Variants in FANK1 observed in about 807,000 individuals in gnomAD.
FANK1 encodes fibronectin type III and ankyrin repeat domains 1.
A neutral mutation model predicts 45.3 loss-of-function variants in FANK1; 44 were observed. The ratio of observed to expected loss-of-function variants is 0.97; its 90% CI spans 0.76 to 1.25. FANK1 has a LOEUF of 1.25. FANK1 is among the 50% of genes most tolerant of loss of function. FANK1 has a pLI of 0.00. For synonymous variants in FANK1, 149 were observed against 152.5 expected, an observed-to-expected ratio of 0.98 and a Z score of 0.17; for missense variants, 391 against 424.4, an observed-to-expected ratio of 0.92 and a Z score of 0.69.
intron 1 of FANK1, among the ~76,000 whole-genome samples, chr10:125,906,543 A>AAAAAAAAAAAAAAAG (rs1945540385): frequency 6.8e-6 from 1 of 147,678 alleles, no homozygotes; most frequent in African/African-American, 2.5e-5. Context: ...AAAAAAAAAA[A>AAAAAAAAAAAAAAAG]ATTCTTACCT....
chr10:125,931,543 A>G (rs1947752338), intron 1 of FANK1, among the ~76,000 whole-genome samples: 2 of 152,128 alleles, frequency 1.3e-5, no homozygotes. Context: ...TCATGTCCAT[A>G]GCCCACTTTT....
Position 125,911,435 on chromosome 10 carries a change from A to G in FANK1, c.13+14780A>G, listed in dbSNP as rs146334490. On this transcript the variant is annotated intron_variant, in intron 1 of 10. Transcript: ENST00000368693. ...AGTTTCTGTTGTTTTAAGCTGCTACATTTGTGGTAACTAATTATAGCAGCA... is the reference window on the plus strand; with the variant it reads ...AGTTTCTGTTGTTTTAAGCTGCTACGTTTGTGGTAACTAATTATAGCAGCA... Among the ~76,000 whole-genome samples the G allele has an allele frequency of 2.4e-3, 360 of 152,346 alleles. 7 individuals carry two copies. In the East Asian group the frequency reaches 0.057, roughly 24 times the overall value.
chr10:125,915,039 G>T (rs1376556174), intron 1 of FANK1, among the ~76,000 whole-genome samples: 1 of 152,140 alleles, frequency 6.6e-6, no homozygotes, highest in Admixed American at 6.5e-5. Flanking sequence ...TCAGTGATGT[G>T]TATTAACCTA....
At chr10:125,988,487 T>G in intron 2 of FANK1, 64 bp from the exon 3 acceptor site, 1 of 1,578,082 alleles carries the variant, frequency 6.3e-7, no homozygotes, top group Non-Finnish European at 8.6e-7. Context: ...TCTTCTGCTG[T>G]CTTATCAGAG....
At chr10:125,905,130 C>CAA (rs11289535) in intron 1 of FANK1, among the ~76,000 whole-genome samples, 230 of 68,086 alleles carry the variant, frequency 3.4e-3, no homozygotes, top group East Asian at 5.8e-3. Flanking sequence ...GACTCTGTCC[C>CAA]AAAAAAAAAA....
intron 1 of FANK1, among the ~76,000 whole-genome samples, chr10:125,919,447 C>T (rs1428887591): frequency 6.6e-4 from 100 of 152,170 alleles, no homozygotes; most frequent in Non-Finnish European, 2.2e-4. Flanking sequence ...CTCAGGTGAT[C>T]CTCCCCCCTT....
intron 1 of FANK1, among the ~76,000 whole-genome samples, chr10:125,922,119 ATATT>A (rs1441690164): frequency 6.6e-6 from 1 of 152,180 alleles, no homozygotes; most frequent in Non-Finnish European, 1.5e-5. Flanking sequence ...AGATGATGTC[ATATT>A]TATTAAGTTC....
At position 125,899,958 on chromosome 10, in the gene FANK1, CTCGAG is replaced by C. The variant is rs1944897400; in HGVS notation, c.13+3306_13+3310del. On this transcript the variant is annotated intron_variant, in intron 1 of 10. Transcript: ENST00000368693. The stretch of plus-strand genomic sequence containing the variant: ...CACCAAGGAACTACTAGAAATAACC[CTCGAG>C]TCAGTCTTTTCCGTTCTGTTTCCAC... 2.6e-5 allele frequency among the ~76,000 whole-genome samples: 4 copies of C among 152,402 alleles called. No individual in the cohort carries two copies. The East Asian group carries it at 7.7e-4, about 29-fold the overall frequency.
chr10:125,952,815 A>G (rs1379815109), intron 1 of FANK1, among the ~76,000 whole-genome samples: 1 of 83,324 alleles, frequency 1.2e-5, no homozygotes, highest in Non-Finnish European at 2.3e-5. Flanking sequence ...ACACACACAC[A>G]CACACACACA....
intron 7 of FANK1, among the ~76,000 whole-genome samples, chr10:126,006,630 C>CG (rs1005671389): frequency 1.3e-5 from 2 of 152,182 alleles, no homozygotes; most frequent in African/African-American, 4.8e-5. Context: ...GAGGCCAAGG[C>CG]GGGTGGATCA....
At position 125,907,594 on chromosome 10, in the gene FANK1, GTA is replaced by G. The variant is rs757536280; in HGVS notation, c.13+10941_13+10942del. ...GGGATGTGTGTGTGTGTGTGTGTGT[GTA>G]TGTGTGTGTGTGTGTGTGCACAGAA... On this transcript the variant is annotated intron_variant, in intron 1 of 10. Coordinates refer to ENST00000368693, the MANE Select transcript of FANK1 (RefSeq NM_145235.5). 6.1e-3 allele frequency: 2,971 copies of G among 484,848 alleles called. 6 individuals are homozygous for G. The highest frequency in any genetic ancestry group is 7.0e-3 in the East Asian group (46 of 6,598). The allele number at this position is 484,848 out of a possible 1,614,324, so 30.0% of individuals were successfully genotyped here. A position where few individuals can be genotyped will look rare whatever the true frequency, so the allele number is the denominator to read the frequency against.
chr10:125,921,472 T>C (rs1946940993), intron 1 of FANK1, among the ~76,000 whole-genome samples: 1 of 152,120 alleles, frequency 6.6e-6, no homozygotes, highest in South Asian at 2.1e-4. Context: ...TATAAGTGGA[T>C]TGGAATTCAC....
At chr10:125,909,492 T>G (rs111511369) in intron 1 of FANK1, among the ~76,000 whole-genome samples, 1 of 151,920 alleles carries the variant, frequency 6.6e-6, no homozygotes, top group South Asian at 2.1e-4. Context: ...AGATGGATGC[T>G]TAGATCAGTG....
chr10:125,979,739 A>G (rs1181861043), intron 1 of FANK1: 7 of 421,780 alleles, frequency 1.7e-5, no homozygotes, highest in Non-Finnish European at 2.9e-5. Context: ...GGCTGTTTAT[A>G]CAGCATAGGT....
intron 3 of FANK1, 148 bp downstream of exon 3, chr10:125,988,823 G>A (rs1253193664): frequency 8.1e-7 from 1 of 1,229,010 alleles, no homozygotes; most frequent in Admixed American, 1.8e-5. Context: ...TGCTAGTTGG[G>A]CCTTGCCATA....
intron 6 of FANK1, among the ~76,000 whole-genome samples, chr10:126,002,763 CT>C (rs375158618): frequency 0.058 from 6,580 of 113,210 alleles, 343 homozygotes; most frequent in African/African-American, 0.17. Context: ...TTTGCCTCTC[CT>C]TTTTTTTTTT....
At chr10:126,005,293 C>T (rs570937435) in intron 7 of FANK1, among the ~76,000 whole-genome samples, 41 of 147,834 alleles carry the variant, frequency 2.8e-4, no homozygotes, top group African/African-American at 9.5e-4. Flanking sequence ...GGACCTGATG[C>T]TTCTACTTTC....
chr10:125,966,516 T>C (rs1437640882), intron 1 of FANK1, among the ~76,000 whole-genome samples: 6 of 152,192 alleles, frequency 3.9e-5, no homozygotes, highest in Admixed American at 3.9e-4. Flanking sequence ...CTCTTGGTCA[T>C]CTTGGTTACA....
chr10:125,914,509 G>C (rs1375693173), intron 1 of FANK1, among the ~76,000 whole-genome samples: 2 of 152,078 alleles, frequency 1.3e-5, no homozygotes, highest in East Asian at 3.9e-4. Flanking sequence ...ACACCTCAGT[G>C]ATTAGTGAAA....
Sources: gnomAD v4.1 joint callset for allele counts (sites outside exome capture counted in the v4.1 genomes callset) on GRCh38, gnomAD v4.1.1 for gene constraint, MANE v1.5 for transcripts, NCBI Gene and HGNC (gene_info 2026-07-23, HGNC 2026-07-21) for gene names.